Variants in ADAM18 observed in about 807,000 individuals in gnomAD.
ADAM18 encodes the protein ADAM metallopeptidase domain 18, also known as disintegrin and metalloproteinase domain-containing protein 18.
In ADAM18, 117 loss-of-function variants were observed where a neutral mutation model predicts 94.4. The ratio of observed to expected loss-of-function variants is 1.24; its 90% CI spans 1.07 to 1.45. The LOEUF (loss-of-function observed/expected upper bound fraction) is 1.45, where lower values mean the gene tolerates loss of function less well. ADAM18 is among the 40% of genes most tolerant of loss of function. ADAM18 has a pLI of 0.00. For synonymous variants in ADAM18, 327 were observed against 291.6 expected, an observed-to-expected ratio of 1.12 and a Z score of -1.24; for missense variants, 936 against 880.0, an observed-to-expected ratio of 1.06 and a Z score of -0.81.
chr8:39,595,798 GC>G (rs780276346), intron 2 of ADAM18, among the ~76,000 whole-genome samples: 2 of 152,094 alleles, frequency 1.3e-5, no homozygotes, highest in African/African-American at 2.4e-5. Flanking sequence ...TGCTGGGATT[GC>G]AGGAGTGAGC....
At chr8:39,610,066 A>C (rs548361085) in intron 5 of ADAM18, among the ~76,000 whole-genome samples, 2 of 152,184 alleles carry the variant, frequency 1.3e-5, no homozygotes, top group Non-Finnish European at 2.9e-5. Flanking sequence ...GCTCCCTCTA[A>C]CTTTCCTTTG....
At position 39,645,387 on chromosome 8, in the gene ADAM18, T is replaced by C. The variant is rs779114172; in HGVS notation, c.959T>C (p.Leu320Pro). ...GGATTTTCGGTTATTATAGCTCAACTGCTTGGCCTTAATGTAGGATTAACA... is the reference window on the plus strand; with the variant it reads ...GGATTTTCGGTTATTATAGCTCAACCGCTTGGCCTTAATGTAGGATTAACA... ...LEGFSVIIAQLLGLNVGLTYD... is the reference protein window; with the variant it reads ...LEGFSVIIAQPLGLNVGLTYD... The change falls in exon 11 of 20, where the codon CTG (leucine) becomes CCG (proline). Residue 320 changes from leucine to proline, a missense_variant. Physicochemically the swap from Leu to Pro is moderately conservative, Grantham distance 98 (BLOSUM62 -3). Transcript: ENST00000265707. 6 of 1,612,736 alleles carry C rather than the reference T, an allele frequency of 3.7e-6. 1 individual carries two copies. In the South Asian group the frequency reaches 6.6e-5, roughly 18 times the overall value.
chr8:39,728,771 T>C (rs187471375), intron 19 of ADAM18, among the ~76,000 whole-genome samples: 1 of 152,326 alleles, frequency 6.6e-6, no homozygotes, highest in East Asian at 1.9e-4. Context: ...CCAACCTTAT[T>C]TTGTTTCCTT....
intron 2 of ADAM18, among the ~76,000 whole-genome samples, chr8:39,592,476 T>G (rs1818598554): frequency 6.6e-6 from 1 of 152,080 alleles, no homozygotes; most frequent in Non-Finnish European, 1.5e-5. Flanking sequence ...AAATAAAAGG[T>G]GGTATATATA....
Position 39,638,963 on chromosome 8 carries a change from T to C in ADAM18, c.909+417T>C, listed in dbSNP as rs542974539. Reference sequence around the variant, plus strand: ...AATATATGAATGCATAAATAATATATATTGTTTTTAGATATTGAAAATTTG... The same window carrying C: ...AATATATGAATGCATAAATAATATACATTGTTTTTAGATATTGAAAATTTG... On this transcript the variant is annotated intron_variant, in intron 10 of 19. Coordinates refer to ENST00000265707, the MANE Select transcript of ADAM18 (RefSeq NM_014237.3). 6.7e-4 allele frequency among the ~76,000 whole-genome samples: 102 copies of C among 152,040 alleles called. No homozygotes were observed. In the Middle Eastern group the frequency reaches 0.017, roughly 25 times the overall value.
At chr8:39,692,733 A>G in intron 17 of ADAM18, 53 bp downstream of exon 17, 1 of 1,435,196 alleles carries the variant, frequency 7.0e-7, no homozygotes. Flanking sequence ...TAATTCAAAT[A>G]AACATCTGTT....
chr8:39,692,010 G>T (rs1821797004), intron 16 of ADAM18, among the ~76,000 whole-genome samples: 1 of 151,732 alleles, frequency 6.6e-6, no homozygotes, highest in African/African-American at 2.4e-5. Flanking sequence ...AAAGAAGCTT[G>T]CAAAGTCAGA....
chr8:39,610,258 G>A (rs565511470), intron 5 of ADAM18, among the ~76,000 whole-genome samples: 1 of 152,150 alleles, frequency 6.6e-6, no homozygotes, highest in African/African-American at 2.4e-5. Context: ...ATATTTGTTT[G>A]TGGCAAATTT....
chr8:39,709,111 T>A lies in ADAM18; in HGVS notation c.2017+2207T>A, dbSNP rs1292758891. Reference sequence around the variant, plus strand: ...ATGGCTCCCGAGCTCTTGTCTGGTGTCCAGGAAAAATGAAGTCATGTGAGC... The same window carrying A: ...ATGGCTCCCGAGCTCTTGTCTGGTGACCAGGAAAAATGAAGTCATGTGAGC... On this transcript the variant is annotated intron_variant, in intron 18 of 19. Coordinates refer to ENST00000265707, the MANE Select transcript of ADAM18 (RefSeq NM_014237.3). 2.6e-5 allele frequency among the ~76,000 whole-genome samples: 4 copies of A among 152,144 alleles called. No individual in the cohort carries two copies. The East Asian group carries it at 7.7e-4, about 29-fold the overall frequency.
intron 6 of ADAM18, among the ~76,000 whole-genome samples, chr8:39,615,719 A>G (rs1049051202): frequency 2.0e-5 from 3 of 152,164 alleles, no homozygotes; most frequent in African/African-American, 7.2e-5. Context: ...CAGAGCAATC[A>G]CGTAAGAGAA....
intron 16 of ADAM18, among the ~76,000 whole-genome samples, chr8:39,685,880 AC>A (rs35845319): frequency 1.7e-3 from 266 of 152,244 alleles, no homozygotes; most frequent in Non-Finnish European, 3.4e-3. Flanking sequence ...TAGGACACAA[AC>A]ACAATTTAGC....
chr8:39,621,633 A>G (rs1023805005), intron 6 of ADAM18, among the ~76,000 whole-genome samples: 60 of 152,134 alleles, frequency 3.9e-4, no homozygotes, highest in Non-Finnish European at 2.9e-5. Context: ...TTTTGAGACT[A>G]ACAAGAATAT....
At chr8:39,638,120 G>A (rs1275353107) in intron 9 of ADAM18, among the ~76,000 whole-genome samples, 1 of 151,298 alleles carries the variant, frequency 6.6e-6, no homozygotes, top group Non-Finnish European at 1.5e-5. Flanking sequence ...CTTATCTTTA[G>A]GACTAGTAAG....
intron 6 of ADAM18, among the ~76,000 whole-genome samples, chr8:39,622,906 G>A (rs1396350018): frequency 1.3e-5 from 2 of 151,800 alleles, no homozygotes; most frequent in African/African-American, 4.8e-5. Flanking sequence ...GTTGCTTTTT[G>A]GTATGAGGGG....
chr8:39,670,142 A>G (rs974601874), intron 14 of ADAM18, among the ~76,000 whole-genome samples: 3 of 151,802 alleles, frequency 2.0e-5, no homozygotes, highest in Admixed American at 1.3e-4. Flanking sequence ...CATATCCTTC[A>G]CCCACTTTTT....
At chr8:39,723,324 A>G (rs1822811952) in intron 18 of ADAM18, among the ~76,000 whole-genome samples, 1 of 151,678 alleles carries the variant, frequency 6.6e-6, no homozygotes, top group Admixed American at 6.6e-5. Flanking sequence ...TTGTTTACAT[A>G]CATAGAATAT....
chr8:39,674,519 G>C (rs938571245), intron 14 of ADAM18, among the ~76,000 whole-genome samples: 18 of 152,044 alleles, frequency 1.2e-4, no homozygotes, highest in Non-Finnish European at 2.6e-4. Flanking sequence ...GTGTGTCTTT[G>C]CATGTGAGAT....
chr8:39,663,140 A>G (rs1220756109), intron 12 of ADAM18, among the ~76,000 whole-genome samples: 1 of 152,058 alleles, frequency 6.6e-6, no homozygotes, highest in Non-Finnish European at 1.5e-5. Flanking sequence ...TCTCCTAAAA[A>G]CCACCTTTTC....
chr8:39,645,536 A>G, intron 11 of ADAM18, 62 bp downstream of exon 11: 1 of 1,496,684 alleles, frequency 6.7e-7, no homozygotes, highest in South Asian at 1.2e-5. Context: ...AAAATGTGAT[A>G]ATGTTTTTAA....
Sources: allele counts gnomAD v4.1 joint callset (sites outside exome capture counted in the v4.1 genomes callset), GRCh38; gene constraint gnomAD v4.1.1; transcripts MANE v1.5; gene names NCBI Gene and HGNC (gene_info 2026-07-23, HGNC 2026-07-21).